ALDH18A1: variants seen among roughly 807,000 people sequenced by gnomAD.
The protein encoded by ALDH18A1 is aldehyde dehydrogenase 18 family member A1.
A neutral mutation model predicts 88.8 loss-of-function variants in ALDH18A1; 44 were observed. That is an observed-to-expected ratio of 0.50 (90% CI 0.39 to 0.64). The LOEUF (loss-of-function observed/expected upper bound fraction) is 0.64. Ranked by LOEUF, ALDH18A1 falls within the 30% of genes least tolerant of loss-of-function variation. The probability of loss-of-function intolerance (pLI) is 0.00; values close to 1 mark genes in which losing one functional copy is unlikely to be tolerated. For missense variants in ALDH18A1, 782 were observed against 1,009.5 expected (o/e 0.77, Z 3.05); for synonymous variants, 331 against 372.1 (o/e 0.89, Z 1.27).
At chr10:95,637,016 G>C (rs1368838515) in intron 5 of ALDH18A1, 77 bp downstream of exon 5, 2 of 1,315,002 alleles carry the variant, frequency 1.5e-6, no homozygotes, top group Non-Finnish European at 2.2e-6. Context: ...TATTCCAATA[G>C]TCTGGCTCCA....
rs536897015 is a variant in ALDH18A1 at position 95,618,584 on chromosome 10, G to C, written c.1468-1970C>G. Among the ~76,000 whole-genome samples the C allele has an allele frequency of 9.3e-4, 142 of 152,310 alleles. 1 individual carries two copies. Among genetic ancestry groups the C allele is most frequent in the African/African-American group, 3.2e-3 (134 of 41,562 alleles). On this transcript the variant is annotated intron_variant, in intron 12 of 17. Coordinates refer to ENST00000371224, the MANE Select transcript of ALDH18A1 (RefSeq NM_002860.4). ...CTGCCTGGGCCTCCCAAAGTGCTGGGATTACAGGTGTCAGCCACTGTGCCT... is the reference window on the plus strand; with the variant it reads ...CTGCCTGGGCCTCCCAAAGTGCTGGCATTACAGGTGTCAGCCACTGTGCCT...
intron 13 of ALDH18A1, among the ~76,000 whole-genome samples, chr10:95,615,812 C>CT (rs1255197334): frequency 6.6e-6 from 1 of 152,204 alleles, no homozygotes; most frequent in Non-Finnish European, 1.5e-5. Flanking sequence ...AATCTAAACT[C>CT]TATCACACAC....
intron 2 of ALDH18A1, among the ~76,000 whole-genome samples, chr10:95,645,798 G>A (rs551130520): frequency 6.6e-6 from 1 of 152,036 alleles, no homozygotes; most frequent in Non-Finnish European, 1.5e-5. Context: ...ATCCACAGGT[G>A]CACGGTCTCT....
At chr10:95,642,199 G>A (rs1489749020) in intron 3 of ALDH18A1, among the ~76,000 whole-genome samples, 1 of 152,208 alleles carries the variant, frequency 6.6e-6, no homozygotes, top group Non-Finnish European at 1.5e-5. Context: ...CTGGCATGCT[G>A]CTGGTTTTTG....
chr10:95,628,309 G>T, intron 8 of ALDH18A1, 59 bp downstream of exon 8: 1 of 1,610,980 alleles, frequency 6.2e-7, no homozygotes. Context: ...AAGTAAAAAG[G>T]ATACAATATA....
chr10:95,608,778 G>A (rs2097827554), intron 17 of ALDH18A1, among the ~76,000 whole-genome samples: 1 of 152,250 alleles, frequency 6.6e-6, no homozygotes, highest in Non-Finnish European at 1.5e-5. Flanking sequence ...CGGGATTACA[G>A]GTGTGAGCCA....
rs1285615719 is a variant in ALDH18A1, at chr10:95,637,022, C to A, written c.558+71G>T. ...CTGACACCATATTCCAATAGTCTGG[C>A]TCCAGACCCCTTTGTTCCACAACAA... On this transcript the variant is annotated intron_variant, in intron 5 of 17. Coordinates refer to ENST00000371224, the MANE Select transcript of ALDH18A1 (RefSeq NM_002860.4). 3.6e-6 allele frequency: 5 copies of A among 1,387,638 alleles called. No homozygotes were observed. The African/African-American group carries it at 5.7e-5, about 16-fold the overall frequency. The allele number at this position is 1,387,638 out of a possible 1,614,324, so 86.0% of individuals were successfully genotyped here. A position where few individuals can be genotyped will look rare whatever the true frequency, so the allele number is the denominator to read the frequency against.
At position 95,616,745 on chromosome 10, in the gene ALDH18A1, TC is replaced by T; in HGVS notation, c.1468-132del. The T allele has an allele frequency of 2.5e-6, 3 of 1,195,222 alleles. No homozygotes were observed. The South Asian group carries it at 3.9e-5, about 16-fold the overall frequency. The allele number at this position is 1,195,222 out of a possible 1,614,324, so 74.0% of individuals were successfully genotyped here. On this transcript the variant is annotated intron_variant, in intron 12 of 17. Transcript: ENST00000371224. ...ATTTTAGAAGGCCTATGCTGTTTCA[TC>T]TTCACAACACTGCAGTGAATTAAGT... is the stretch of plus-strand genomic sequence containing the variant.
rs556412588 is a variant in ALDH18A1 at position 95,656,066 on chromosome 10, C to T, written c.-29+531G>A. Among the ~76,000 whole-genome samples, 19 of 152,268 alleles carry T rather than the reference C, an allele frequency of 1.2e-4. 1 individual carries two copies. In the South Asian group the frequency reaches 3.1e-3, roughly 25 times the overall value. ...ACCCCAGCATACACAGAATGCCATA[C>T]TGCAAAGGGAGTCTGGCTTTGAGGA... On this transcript the variant is annotated intron_variant, in intron 1 of 17. Coordinates refer to ENST00000371224, the MANE Select transcript of ALDH18A1 (RefSeq NM_002860.4).
intron 7 of ALDH18A1, among the ~76,000 whole-genome samples, chr10:95,629,934 A>ATT (rs35613419): frequency 1.2e-3 from 174 of 148,588 alleles, no homozygotes; most frequent in African/African-American, 1.9e-3. Context: ...AAAACCTTAC[A>ATT]TTTTTTTTTT....
At chr10:95,633,726 G>A in intron 5 of ALDH18A1, 77 bp from the exon 6 acceptor site, 3 of 1,517,410 alleles carry the variant, frequency 2.0e-6, no homozygotes, top group Non-Finnish European at 1.8e-6. Context: ...GACGCTAAGA[G>A]CAGGGGAGTT....
At chr10:95,617,628 C>A (rs776591147) in intron 12 of ALDH18A1, among the ~76,000 whole-genome samples, 1 of 152,232 alleles carries the variant, frequency 6.6e-6, no homozygotes, top group Non-Finnish European at 1.5e-5. Flanking sequence ...CTACCTCTTA[C>A]AAAAGTTAAG....
At chr10:95,650,825 C>A (rs1052349481) in intron 2 of ALDH18A1, among the ~76,000 whole-genome samples, 1 of 151,412 alleles carries the variant, frequency 6.6e-6, no homozygotes, top group Admixed American at 6.6e-5. Flanking sequence ...AAAAAAAAAA[C>A]AACTTTCCAA....
At chr10:95,640,121 T>C (rs2097888653) in intron 3 of ALDH18A1, among the ~76,000 whole-genome samples, 1 of 152,184 alleles carries the variant, frequency 6.6e-6, no homozygotes. Flanking sequence ...TCTGGAATAA[T>C]TCCAAAAGGG....
At chr10:95,635,099 C>CCA (rs2097878105) in intron 5 of ALDH18A1, among the ~76,000 whole-genome samples, 1 of 152,084 alleles carries the variant, frequency 6.6e-6, no homozygotes, top group African/African-American at 2.4e-5. Context: ...CTCTGAAATG[C>CCA]CAGAGTCTAG....
Position 95,616,631 on chromosome 10 carries a change from G to T in ALDH18A1, c.1468-17C>A. On this transcript the variant is annotated splice_polypyrimidine_tract_variant and intron_variant, in intron 12 of 17. Coordinates refer to ENST00000371224, the MANE Select transcript of ALDH18A1 (RefSeq NM_002860.4). ...AGCTGCCACCTGCAGATCAAAGGGAGAGCAGTGGATCAAAGGAGACAAACA... is the reference window on the plus strand; with the variant it reads ...AGCTGCCACCTGCAGATCAAAGGGATAGCAGTGGATCAAAGGAGACAAACA... 6.2e-7 allele frequency: 1 copy of T among 1,600,240 alleles called. No individual in the cohort carries two copies. The highest frequency in any genetic ancestry group is 8.5e-7 in the Non-Finnish European group (1 of 1,173,036).
intron 15 of ALDH18A1, among the ~76,000 whole-genome samples, chr10:95,613,020 A>T (rs2097838113): frequency 6.6e-6 from 1 of 152,364 alleles, no homozygotes; most frequent in South Asian, 2.1e-4. Context: ...ACCAAGGCCA[A>T]CAAGCACCTT....
chr10:95,622,818 T>C (rs1270666694), intron 11 of ALDH18A1, among the ~76,000 whole-genome samples: 1 of 152,194 alleles, frequency 6.6e-6, no homozygotes, highest in African/African-American at 2.4e-5. Context: ...ATTACAGGCA[T>C]GAGACACCGC....
chr10:95,639,160 CA>C (rs1469935098), intron 3 of ALDH18A1, among the ~76,000 whole-genome samples: 1 of 151,842 alleles, frequency 6.6e-6, no homozygotes, highest in Non-Finnish European at 1.5e-5. Flanking sequence ...AGTAAGACCC[CA>C]TATCTATGAA....
Sources: allele counts gnomAD v4.1 joint callset (sites outside exome capture counted in the v4.1 genomes callset), GRCh38; gene constraint gnomAD v4.1.1; transcripts MANE v1.5; gene names NCBI Gene and HGNC (gene_info 2026-07-23, HGNC 2026-07-21).